The following RMDN2 variants were observed in gnomAD, a reference collection of about 807,000 sequenced individuals.
The protein encoded by RMDN2 is regulator of microtubule dynamics protein 2.
A neutral mutation model predicts 52.8 loss-of-function variants in RMDN2; 61 were observed. The observed-to-expected ratio is 1.16, with a 90% CI of 0.94 to 1.43. The LOEUF is 1.43. Ranked by LOEUF, RMDN2 falls within the 40% of genes most tolerant of loss-of-function variation. The pLI is 0.00. For missense variants in RMDN2, 592 were observed against 475.3 expected, an observed-to-expected ratio of 1.25 and a Z score of -2.28; for synonymous variants, 180 against 153.1, an observed-to-expected ratio of 1.18 and a Z score of -1.30.
intron 2 of RMDN2, among the ~76,000 whole-genome samples, chr2:37,934,262 G>A (rs948426583): frequency 6.6e-5 from 10 of 152,188 alleles, no homozygotes; most frequent in African/African-American, 2.4e-4. Context: ...TGGAATTTGG[G>A]TAGATCAGTG....
At chr2:38,055,456 A>G (rs570791510) in intron 10 of RMDN2, among the ~76,000 whole-genome samples, 1 of 152,224 alleles carries the variant, frequency 6.6e-6, no homozygotes, top group South Asian at 2.1e-4. Flanking sequence ...TCCTTACTCA[A>G]CTGTGTCCTA....
intron 2 of RMDN2, among the ~76,000 whole-genome samples, chr2:37,932,715 G>A (rs1162504348): frequency 2.1e-4 from 31 of 145,678 alleles, no homozygotes; most frequent in African/African-American, 1.8e-4. Flanking sequence ...CCTCCCGGAC[G>A]GGGCGGCTGG....
intron 10 of RMDN2, among the ~76,000 whole-genome samples, chr2:38,049,169 C>T (rs12471423): frequency 3.2e-3 from 481 of 152,314 alleles, no homozygotes; most frequent in Non-Finnish European, 5.1e-3. Flanking sequence ...TCTTATTACA[C>T]GGTCGCCTAG....
chr2:38,041,473 T>C (rs1356404630), intron 10 of RMDN2, among the ~76,000 whole-genome samples: 1 of 138,510 alleles, frequency 7.2e-6, no homozygotes, highest in Non-Finnish European at 1.5e-5. Context: ...GGACTTCCAA[T>C]ATGATGTTGA....
Position 37,990,047 on chromosome 2 carries a change from G to T in RMDN2, c.867+431G>T, listed in dbSNP as rs967854056. Among the ~76,000 whole-genome samples, 17 of 151,352 alleles carry T rather than the reference G, an allele frequency of 1.1e-4. No homozygotes were observed. The East Asian group carries it at 3.1e-3, about 28-fold the overall frequency. On this transcript the variant is annotated intron_variant, in intron 6 of 10. Transcript: ENST00000354545. ...AGTCCCAGCTACTCAGGAGGCTGAG[G>T]CAGGAGAATGGCATGAACCTGGGGG...
rs115472430 is a variant in RMDN2 at position 38,054,714 on chromosome 2, C to T, written c.1714-12268C>T. On this transcript the variant is annotated intron_variant, in intron 10 of 10. Transcript: ENST00000234195. ...CACCTACCCATTTATGAATTCTCTT[C>T]TCTCTTCTCTACCATCTTTCTTAAG... 3.9e-3 allele frequency among the ~76,000 whole-genome samples: 601 copies of T among 152,276 alleles called. 5 individuals carry two copies. Among genetic ancestry groups the T allele is most frequent in the African/African-American group, 0.014 (579 of 41,556 alleles).
chr2:37,946,986 A>G (rs899031994), intron 2 of RMDN2, among the ~76,000 whole-genome samples: 2 of 152,172 alleles, frequency 1.3e-5, no homozygotes, highest in Non-Finnish European at 2.9e-5. Flanking sequence ...GTCCTGTTCT[A>G]TATTCTTGAC....
At chr2:37,978,804 A>ATAGATAGATAGG (rs1672916846) in intron 4 of RMDN2, among the ~76,000 whole-genome samples, 1 of 152,116 alleles carries the variant, frequency 6.6e-6, no homozygotes, top group Non-Finnish European at 1.5e-5. Flanking sequence ...AGATAGATAG[A>ATAGATAGATAGG]TAGATAGATA....
At chr2:37,985,763 C>T (rs938527115) in intron 5 of RMDN2, among the ~76,000 whole-genome samples, 3 of 151,786 alleles carry the variant, frequency 2.0e-5, no homozygotes, top group Non-Finnish European at 4.4e-5. Context: ...AGATACCTAA[C>T]AAGTTATGAA....
chr2:37,943,803 C>T (rs1379797682), intron 2 of RMDN2, among the ~76,000 whole-genome samples: 3 of 152,106 alleles, frequency 2.0e-5, no homozygotes, highest in East Asian at 3.8e-4. Context: ...GTCTTTTCCC[C>T]CTTAGGCTAT....
chr2:38,061,965 G>C (rs1274400277), intron 10 of RMDN2, among the ~76,000 whole-genome samples: 1 of 152,162 alleles, frequency 6.6e-6, no homozygotes, highest in Non-Finnish European at 1.5e-5. Context: ...CATGATCCTT[G>C]TTCACATCTC....
intron 2 of RMDN2, among the ~76,000 whole-genome samples, chr2:37,969,535 G>T (rs1483399809): frequency 6.6e-6 from 1 of 151,492 alleles, no homozygotes; most frequent in Non-Finnish European, 1.5e-5. Flanking sequence ...GAACAAAATT[G>T]ATTTTGGAAG....
rs538795920 is a variant in RMDN2 at position 37,960,906 on chromosome 2, A to C, written c.453-13134A>C. 1.3e-4 allele frequency among the ~76,000 whole-genome samples: 20 copies of C among 152,272 alleles called. No homozygotes were observed. The South Asian group carries it at 4.1e-3, about 32-fold the overall frequency. ...CCTGGTGGTTACCAAATCCCTCAGC[A>C]CTTGCTTGTCTGTAAAGGATTTTAT... On this transcript the variant is annotated intron_variant, in intron 2 of 10. Transcript: ENST00000354545.
At chr2:37,955,201 A>G (rs1349644780) in intron 2 of RMDN2, among the ~76,000 whole-genome samples, 1 of 151,982 alleles carries the variant, frequency 6.6e-6, no homozygotes, top group Non-Finnish European at 1.5e-5. Flanking sequence ...CATCTTGCCT[A>G]GTTGCACTGG....
At chr2:37,959,898 T>C (rs1245281906) in intron 2 of RMDN2, among the ~76,000 whole-genome samples, 1 of 148,722 alleles carries the variant, frequency 6.7e-6, no homozygotes, top group Non-Finnish European at 1.5e-5. Flanking sequence ...TTAATTTTGT[T>C]ATTCACCCAG....
intron 5 of RMDN2, among the ~76,000 whole-genome samples, chr2:37,981,584 C>T (rs1234388526): frequency 1.3e-5 from 2 of 152,164 alleles, no homozygotes; most frequent in African/African-American, 2.4e-5. Flanking sequence ...ACCAAGTCTA[C>T]TGGCTTTGAA....
At chr2:37,930,230 ATTAAAT>A (rs1666614893) in intron 2 of RMDN2, among the ~76,000 whole-genome samples, 1 of 152,212 alleles carries the variant, frequency 6.6e-6, no homozygotes, top group South Asian at 2.1e-4. Flanking sequence ...TTTAATTGTA[ATTAAAT>A]TTAAATAGCC....
At chr2:37,929,224 TAAAC>T (rs1666526226) in intron 1 of RMDN2, 34 bp from the exon 2 acceptor site, 2 of 1,220,922 alleles carry the variant, frequency 1.6e-6, no homozygotes, top group Admixed American at 2.8e-5. Context: ...GACAAAGACA[TAAAC>T]AACATTCATT....
Position 37,989,408 on chromosome 2 carries a change from C to G in RMDN2, c.792-133C>G, listed in dbSNP as rs569269147. On this transcript the variant is annotated intron_variant, in intron 5 of 10. Transcript: ENST00000354545. ...TCAAGTATTTATTATTGTTAGGGCC[C>G]TTATATTTATATGAATACTCCTGTT... is the stretch of plus-strand genomic sequence containing the variant. 1.1e-5 allele frequency: 7 copies of G among 635,858 alleles called. No homozygotes were observed. In the South Asian group the frequency reaches 1.2e-4, roughly 11 times the overall value. 39.4% of individuals were successfully genotyped at this position (635,858 alleles called of 1,614,324 possible). A position where few individuals can be genotyped will look rare whatever the true frequency, so the allele number is the denominator to read the frequency against.
Sources: allele counts gnomAD v4.1 joint callset (sites outside exome capture counted in the v4.1 genomes callset), GRCh38; gene constraint gnomAD v4.1.1; transcripts MANE v1.5; gene names NCBI Gene and HGNC (gene_info 2026-07-23, HGNC 2026-07-21).